SLC24A2: variants seen among roughly 807,000 people sequenced by gnomAD.
The protein encoded by SLC24A2 is sodium/potassium/calcium exchanger 2.
A neutral mutation model predicts 62.0 loss-of-function variants in SLC24A2; 36 were observed. The observed-to-expected ratio is 0.58, with a 90% CI of 0.44 to 0.77. The LOEUF (loss-of-function observed/expected upper bound fraction) is 0.77, where lower values mean the gene tolerates loss of function less well. SLC24A2 is among the 30% of genes least tolerant of loss of function. The pLI is 0.00. For synonymous variants in SLC24A2, 358 were observed against 294.0 expected, an observed-to-expected ratio of 1.22 and a Z score of -2.23; for missense variants, 846 against 817.9, an observed-to-expected ratio of 1.03 and a Z score of -0.42.
At chr9:19,603,863 C>T (rs1165770789) in intron 4 of SLC24A2, among the ~76,000 whole-genome samples, 1 of 152,190 alleles carries the variant, frequency 6.6e-6, no homozygotes, top group African/African-American at 2.4e-5. Flanking sequence ...TCTTTCAGAA[C>T]CCCGTTGAGG....
At chr9:19,751,785 A>G (rs1438433485) in intron 2 of SLC24A2, among the ~76,000 whole-genome samples, 1 of 152,124 alleles carries the variant, frequency 6.6e-6, no homozygotes, top group Non-Finnish European at 1.5e-5. Context: ...TTCTTTAGCA[A>G]ATATGTGTCT....
intron 2 of SLC24A2, among the ~76,000 whole-genome samples, chr9:19,630,602 T>C (rs1218784365): frequency 1.3e-5 from 2 of 152,138 alleles, no homozygotes; most frequent in Non-Finnish European, 2.9e-5. Flanking sequence ...CGTTTTAACT[T>C]CCGATCTCAG....
chr9:20,296,728 G>C, the SLC24A2 span, among the ~76,000 whole-genome samples: 1 of 152,308 alleles, frequency 6.6e-6, no homozygotes, highest in Non-Finnish European at 1.5e-5. Context: ...TGGTATTTCA[G>C]ATGACCACAG....
At chr9:19,526,834 AG>A (rs1346700195) in intron 9 of SLC24A2, among the ~76,000 whole-genome samples, 1 of 142,598 alleles carries the variant, frequency 7.0e-6, no homozygotes, top group Admixed American at 7.6e-5. Context: ...GAAGAGCAAA[AG>A]TTTTAATTTT....
chr9:20,023,534 A>C, the SLC24A2 span, among the ~76,000 whole-genome samples: 145 of 151,706 alleles, frequency 9.6e-4, no homozygotes, highest in African/African-American at 3.4e-3. Context: ...CAAAGGATTT[A>C]GTTCATTTCA....
the SLC24A2 span, among the ~76,000 whole-genome samples, chr9:20,260,423 G>A: frequency 4.1e-4 from 63 of 152,098 alleles, no homozygotes; most frequent in African/African-American, 1.5e-3. Context: ...AAAGTTAATG[G>A]GAAATAATAA....
the SLC24A2 span, among the ~76,000 whole-genome samples, chr9:19,964,927 T>G: frequency 6.6e-6 from 1 of 152,136 alleles, no homozygotes; most frequent in Non-Finnish European, 1.5e-5. Context: ...ACACGGTCCT[T>G]TTTTTGCTTG....
chr9:20,177,524 C>A, the SLC24A2 span, among the ~76,000 whole-genome samples: 2 of 151,984 alleles, frequency 1.3e-5, no homozygotes, highest in Non-Finnish European at 2.9e-5. Flanking sequence ...GGTGTTGACC[C>A]CGTTAGATGA....
chr9:20,184,793 T>C, the SLC24A2 span, among the ~76,000 whole-genome samples: 5 of 152,058 alleles, frequency 3.3e-5, no homozygotes, highest in Admixed American at 3.3e-4. Flanking sequence ...GTCAAACAGA[T>C]AACTACACTC....
At chr9:20,218,021 C>T in the SLC24A2 span, among the ~76,000 whole-genome samples, 1 of 152,214 alleles carries the variant, frequency 6.6e-6, no homozygotes, top group Non-Finnish European at 1.5e-5. Flanking sequence ...TATTTGCCTT[C>T]TTTGGGTATG....
intron 4 of SLC24A2, among the ~76,000 whole-genome samples, chr9:19,597,865 G>T (rs1459868139): frequency 6.6e-6 from 1 of 152,188 alleles, no homozygotes; most frequent in African/African-American, 2.4e-5. Context: ...AAGGAGGCAT[G>T]TTCCCAGGGA....
intron 2 of SLC24A2, among the ~76,000 whole-genome samples, chr9:19,705,816 G>C (rs1820497732): frequency 6.6e-6 from 1 of 152,132 alleles, no homozygotes; most frequent in African/African-American, 2.4e-5. Flanking sequence ...TATAATTTCT[G>C]TTCTTTTACA....
At chr9:20,141,009 T>C in the SLC24A2 span, among the ~76,000 whole-genome samples, 11 of 152,006 alleles carry the variant, frequency 7.2e-5, no homozygotes, top group African/African-American at 2.7e-4. Context: ...CTTTATCATC[T>C]CTCCTCTCCT....
At chr9:19,790,960 G>A (rs1181983580), upstream of SLC24A2, among the ~76,000 whole-genome samples, 1 of 152,208 alleles carries the variant, frequency 6.6e-6, no homozygotes, top group African/African-American at 2.4e-5. Flanking sequence ...TCGGTGAGAA[G>A]AGGAATGAGA....
the SLC24A2 span, among the ~76,000 whole-genome samples, chr9:19,855,019 A>T: frequency 6.6e-6 from 1 of 152,272 alleles, no homozygotes; most frequent in Admixed American, 6.5e-5. Flanking sequence ...CTTCTTGTTG[A>T]ATTGAACCCT....
At chr9:20,109,135 G>T in the SLC24A2 span, among the ~76,000 whole-genome samples, 1 of 152,094 alleles carries the variant, frequency 6.6e-6, no homozygotes, top group African/African-American at 2.4e-5. Flanking sequence ...TGTGTAATAG[G>T]CTATACTGTC....
chr9:19,574,659 C>A (rs1488085900), intron 6 of SLC24A2, among the ~76,000 whole-genome samples: 2 of 152,014 alleles, frequency 1.3e-5, no homozygotes, highest in Non-Finnish European at 2.9e-5. Context: ...AACCAAGAAG[C>A]ATAAACTATT....
At chr9:19,826,353 G>A in the SLC24A2 span, among the ~76,000 whole-genome samples, 1 of 152,282 alleles carries the variant, frequency 6.6e-6, no homozygotes, top group South Asian at 2.1e-4. Flanking sequence ...ATATCCAAGT[G>A]TAGGCAAGAG....
the SLC24A2 span, among the ~76,000 whole-genome samples, chr9:19,903,263 C>T: frequency 6.6e-6 from 1 of 152,140 alleles, no homozygotes; most frequent in African/African-American, 2.4e-5. Context: ...TTGGTGAAGG[C>T]CCTCCTCCTA....
Sources: gnomAD v4.1 joint callset for allele counts (sites outside exome capture counted in the v4.1 genomes callset) on GRCh38, gnomAD v4.1.1 for gene constraint, MANE v1.5 for transcripts, NCBI Gene and HGNC (gene_info 2026-07-23, HGNC 2026-07-21) for gene names.